SUMF1: variants seen among roughly 807,000 people sequenced by gnomAD.
SUMF1 encodes the protein formylglycine-generating enzyme.
A neutral mutation model predicts 47.6 loss-of-function variants in SUMF1; 48 were observed. The ratio of observed to expected loss-of-function variants is 1.01; its 90% CI spans 0.80 to 1.28. SUMF1 has a LOEUF of 1.28. Among genes scored for constraint, SUMF1 ranks in the 50% most tolerant of loss-of-function variants. The probability of loss-of-function intolerance (pLI) is 0.00; values close to 1 mark genes in which losing one functional copy is unlikely to be tolerated. For missense variants in SUMF1, 571 were observed against 485.4 expected, an observed-to-expected ratio of 1.18 and a Z score of -1.66; for synonymous variants, 230 against 192.1, an observed-to-expected ratio of 1.20 and a Z score of -1.63.
intron 1 of SUMF1, among the ~76,000 whole-genome samples, chr3:4,455,594 GTA>G (rs1703134185): frequency 2.0e-5 from 3 of 152,160 alleles, no homozygotes; most frequent in Non-Finnish European, 2.9e-5. Context: ...GCACACGCCT[GTA>G]ATCCCAGCCA....
Position 4,104,310 on chromosome 3 carries a change from G to A in SUMF1, c.1015-35565C>T, listed in dbSNP as rs147118822. Among the ~76,000 whole-genome samples, 1,477 of 152,144 alleles carry A rather than the reference G, an allele frequency of 9.7e-3. 41 individuals are homozygous for A. The highest frequency in any genetic ancestry group is 0.034 in the African/African-American group (1,394 of 41,454). On this transcript the variant is annotated intron_variant and NMD_transcript_variant, in intron 8 of 12. Coordinates refer to the SUMF1 transcript ENST00000448413. The stretch of plus-strand genomic sequence containing the variant: ...CTTTCACCTTCTGCCATGATTGTGA[G>A]GCCTCCCCAGTCATGTGGAATTGTG...
At chr3:4,173,140 T>G (rs1199687890) in intron 8 of SUMF1, among the ~76,000 whole-genome samples, 1 of 152,186 alleles carries the variant, frequency 6.6e-6, no homozygotes, top group Non-Finnish European at 1.5e-5. Flanking sequence ...TATTGTCAGA[T>G]TTCTCAAAGA....
At chr3:4,372,274 C>G (rs1187446197) in intron 8 of SUMF1, among the ~76,000 whole-genome samples, 2 of 152,102 alleles carry the variant, frequency 1.3e-5, no homozygotes, top group Admixed American at 6.6e-5. Context: ...GCACTCCAGC[C>G]TGGGTCACAG....
chr3:4,244,874 G>A (rs1195093756), intron 8 of SUMF1, among the ~76,000 whole-genome samples: 5 of 150,976 alleles, frequency 3.3e-5, no homozygotes, highest in Non-Finnish European at 7.4e-5. Context: ...CCATACACCA[G>A]TCAAACATAG....
At chr3:4,205,265 C>T (rs146176344) in intron 8 of SUMF1, among the ~76,000 whole-genome samples, 3,858 of 152,254 alleles carry the variant, frequency 0.025, 172 homozygotes, top group African/African-American at 0.088. Context: ...ACCCCCTGCC[C>T]GCAAAACATT....
downstream of SUMF1, among the ~76,000 whole-genome samples, chr3:4,358,011 G>A (rs1699660246): frequency 6.6e-6 from 1 of 152,052 alleles, no homozygotes; most frequent in Non-Finnish European, 1.5e-5. Context: ...TAAAAGGTGG[G>A]GGTGAAAAGA....
At chr3:4,129,229 G>C (rs1044077504) in intron 8 of SUMF1, among the ~76,000 whole-genome samples, 8 of 152,078 alleles carry the variant, frequency 5.3e-5, no homozygotes, top group African/African-American at 7.2e-5. Context: ...ACAATGGGAA[G>C]AATTGGATCC....
intron 8 of SUMF1, among the ~76,000 whole-genome samples, chr3:4,174,521 T>C (rs1694913485): frequency 1.4e-5 from 2 of 144,386 alleles, no homozygotes; most frequent in Admixed American, 7.0e-5. Context: ...CTGGGCAACA[T>C]GGCAAAACCC....
chr3:4,211,092 T>G (rs1695771643), intron 8 of SUMF1, among the ~76,000 whole-genome samples: 1 of 69,688 alleles, frequency 1.4e-5, no homozygotes, highest in African/African-American at 5.7e-5. Flanking sequence ...TAATACTCCT[T>G]AATAAACTCC....
At chr3:4,385,823 G>A in intron 7 of SUMF1, among the ~76,000 whole-genome samples, 1 of 152,152 alleles carries the variant, frequency 6.6e-6, no homozygotes, top group Non-Finnish European at 1.5e-5. Flanking sequence ...TGAGACTAAG[G>A]TAGAGGTTCA....
intron 7 of SUMF1, among the ~76,000 whole-genome samples, chr3:4,381,554 C>G (rs934708649): frequency 2.0e-5 from 3 of 152,292 alleles, no homozygotes; most frequent in Middle Eastern, 3.4e-3. Flanking sequence ...ATGCTAAGCA[C>G]CCACTACAAA....
chr3:4,269,602 C>T (rs114436413), intron 8 of SUMF1, among the ~76,000 whole-genome samples: 2,751 of 152,212 alleles, frequency 0.018, 42 homozygotes, highest in Non-Finnish European at 0.027. Context: ...GGAGAGTTAA[C>T]AAAGACCAGA....
chr3:4,266,600 C>A (rs867939862), intron 8 of SUMF1, among the ~76,000 whole-genome samples: 1 of 152,020 alleles, frequency 6.6e-6, no homozygotes, highest in African/African-American at 2.4e-5. Context: ...GCTGAAGTTG[C>A]TTATCAGCTT....
At chr3:4,334,840 C>T (rs995171115) in intron 8 of SUMF1, among the ~76,000 whole-genome samples, 2 of 152,178 alleles carry the variant, frequency 1.3e-5, no homozygotes, top group African/African-American at 4.8e-5. Context: ...TATTTTAGGT[C>T]AGACTTTTTT....
At chr3:4,254,800 G>C (rs1696905101) in intron 8 of SUMF1, among the ~76,000 whole-genome samples, 1 of 149,860 alleles carries the variant, frequency 6.7e-6, no homozygotes, top group South Asian at 2.1e-4. Context: ...GCAACTCCAA[G>C]ACACATAATT....
At chr3:4,413,728 G>A (rs536420672) in intron 6 of SUMF1, among the ~76,000 whole-genome samples, 24 of 152,034 alleles carry the variant, frequency 1.6e-4, no homozygotes, top group Non-Finnish European at 3.1e-4. Flanking sequence ...AGTTTGCTCA[G>A]TATAAAATCA....
chr3:4,434,271 TTTATG>T (rs1483867220), intron 3 of SUMF1, among the ~76,000 whole-genome samples: 2 of 152,204 alleles, frequency 1.3e-5, no homozygotes, highest in Non-Finnish European at 2.9e-5. Context: ...AATGGTAAAT[TTTATG>T]TTATGTATAG....
chr3:4,409,784 A>G (rs1701485882), intron 7 of SUMF1, among the ~76,000 whole-genome samples: 1 of 152,198 alleles, frequency 6.6e-6, no homozygotes, highest in Non-Finnish European at 1.5e-5. Context: ...CAGCCCTCAA[A>G]AAGTAGATCT....
intron 8 of SUMF1, among the ~76,000 whole-genome samples, chr3:4,088,740 T>A (rs1252988170): frequency 2.6e-5 from 4 of 152,110 alleles, no homozygotes; most frequent in Admixed American, 6.5e-5. Flanking sequence ...TTATTGCACA[T>A]AGTTTCTTCC....
Sources: allele counts gnomAD v4.1 joint callset (sites outside exome capture counted in the v4.1 genomes callset), GRCh38; gene constraint gnomAD v4.1.1; transcripts MANE v1.5; gene names NCBI Gene and HGNC (gene_info 2026-07-23, HGNC 2026-07-21).